The following CCDC47 variants were observed in gnomAD, a reference collection of about 807,000 sequenced individuals.
The protein encoded by CCDC47 is coiled-coil domain containing 47, also known as PAT complex subunit CCDC47.
A neutral mutation model predicts 60.5 loss-of-function variants in CCDC47; 41 were observed. That is an observed-to-expected ratio of 0.68 (90% confidence interval 0.53 to 0.88). The LOEUF (loss-of-function observed/expected upper bound fraction) is 0.88. CCDC47 is among the 40% of genes least tolerant of loss of function. The probability of loss-of-function intolerance (pLI) is 0.00; values close to 1 mark genes in which losing one functional copy is unlikely to be tolerated. For missense variants in CCDC47, 513 were observed against 580.9 expected (o/e 0.88, Z 1.20); for synonymous variants, 195 against 190.7 (o/e 1.02, Z -0.18).
chr17:63,770,665 T>G (rs907812149), intron 1 of CCDC47, among the ~76,000 whole-genome samples: 1 of 152,160 alleles, frequency 6.6e-6, no homozygotes, highest in Non-Finnish European at 1.5e-5. Context: ...TCGAATGCCT[T>G]GCAATCCATG....
At position 63,756,585 on chromosome 17, in the gene CCDC47, T is replaced by C; in HGVS notation, c.736-15A>G. On this transcript the variant is annotated splice_polypyrimidine_tract_variant and intron_variant, in intron 6 of 12. Coordinates refer to ENST00000225726, the MANE Select transcript of CCDC47 (RefSeq NM_020198.3). ...ACTTTTATTTGCTTTTAAAAAAATGTAAAAAACAACAAAATTCACCTGTTA... is the reference window on the plus strand; with the variant it reads ...ACTTTTATTTGCTTTTAAAAAAATGCAAAAAACAACAAAATTCACCTGTTA... 6.3e-7 allele frequency: 1 copy of C among 1,585,214 alleles called. No homozygotes were observed. Among genetic ancestry groups the C allele is most frequent in the South Asian group, 1.1e-5 (1 of 89,960 alleles).
intron 12 of CCDC47, 36 bp from the exon 13 acceptor site, chr17:63,746,997 G>A: frequency 3.1e-6 from 5 of 1,606,742 alleles, no homozygotes; most frequent in Non-Finnish European, 4.3e-6. Context: ...GAGAAAGGGA[G>A]TGGGGACGAG....
In CCDC47 at chr17:63,752,788, G is replaced by A; in HGVS notation, c.1046C>T (p.Pro349Leu). 1 of 1,611,726 alleles carries A rather than the reference G, an allele frequency of 6.2e-7. No homozygotes were observed. Among genetic ancestry groups the A allele is most frequent in the South Asian group, 1.1e-5 (1 of 90,686 alleles). Residue 349 changes from proline (P) to leucine (L), a missense_variant, in exon 10 of 13, where the codon CCT becomes CTT. Coordinates refer to ENST00000225726, the MANE Select transcript of CCDC47 (RefSeq NM_020198.3). The part of the protein sequence containing the change: ...GPKIMQEEGQ[P>L]LKLPDTKRTL... ...CCTCTTAGTGTCAGGTAGCTTTAAA[G>A]GCTGACCTTCCCTGTCATAAAAGAA...
At chr17:63,766,264 A>T (rs1798927939) in intron 1 of CCDC47, 70 bp from the exon 2 acceptor site, 3 of 1,384,394 alleles carry the variant, frequency 2.2e-6, no homozygotes, top group Non-Finnish European at 2.9e-6. Flanking sequence ...ATAAACAGTA[A>T]AAATCTATAA....
In CCDC47 at chr17:63,752,314, TCTTA is replaced by T; in HGVS notation, c.1203+2_1203+5del. 6.3e-7 allele frequency: 1 copy of T among 1,595,410 alleles called. No individual in the cohort carries two copies. The highest frequency in any genetic ancestry group is 8.6e-7 in the Non-Finnish European group (1 of 1,163,560). ...CAATTTATATAATACAGGCATTGGG[TCTTA>T]CTTCTCTGTTGAGTCGGAACTTTTT... On this transcript the variant is annotated splice_donor_variant and splice_donor_5th_base_variant and intron_variant, in intron 11 of 12. Coordinates refer to ENST00000225726, the MANE Select transcript of CCDC47 (RefSeq NM_020198.3). LOFTEE classifies it high-confidence loss of function.
chr17:63,764,741 T>A lies in CCDC47; in HGVS notation c.371A>T (p.Asp124Val). ...SKNKDPITIV[D>V]VPAHLQNSWE... is the part of the protein sequence containing the mutation. ...GAATTCAGAATCCTGGATACCTACATCAACAATCGTTATTGGGTCTTTATT... is the reference window on the plus strand; with the variant it reads ...GAATTCAGAATCCTGGATACCTACAACAACAATCGTTATTGGGTCTTTATT... Residue 124 changes from aspartate (D) to valine (V), a missense_variant and splice_region_variant, in exon 3 of 13, where the codon GAT becomes GTT. Asp to Val is a radical substitution (Grantham distance 152). Transcript: ENST00000225726. The A allele has an allele frequency of 6.2e-7, 1 of 1,609,644 alleles. No individual in the cohort carries two copies. The highest frequency in any genetic ancestry group is 8.5e-7 in the Non-Finnish European group (1 of 1,178,664).
At chr17:63,747,852 G>GT (rs1189585486) in intron 12 of CCDC47, 36 of 933,544 alleles carry the variant, frequency 3.9e-5, no homozygotes, top group Non-Finnish European at 4.3e-5. Flanking sequence ...ACTGTCTTAG[G>GT]TTTTTTCTTT....
chr17:63,756,749 T>C (rs2039210599), intron 6 of CCDC47, among the ~76,000 whole-genome samples, 179 bp from the exon 7 acceptor site: 1 of 152,072 alleles, frequency 6.6e-6, no homozygotes. Context: ...TGGCAGAAGG[T>C]CCCTAATCAG....
At chr17:63,761,406 G>A (rs1482357773) in intron 4 of CCDC47, 55 bp from the exon 5 acceptor site, 2 of 1,606,908 alleles carry the variant, frequency 1.2e-6, no homozygotes, top group Admixed American at 1.7e-5. Flanking sequence ...GCCGGGCCGG[G>A]GGTGGTGGCT....
intron 6 of CCDC47, among the ~76,000 whole-genome samples, chr17:63,760,222 T>C (rs2039247483): frequency 6.6e-6 from 1 of 151,696 alleles, no homozygotes; most frequent in Admixed American, 6.6e-5. Context: ...AGAAACGTAT[T>C]ATTTGAAGCA....
intron 6 of CCDC47, among the ~76,000 whole-genome samples, chr17:63,759,405 C>T (rs2039231925): frequency 6.9e-6 from 1 of 144,878 alleles, no homozygotes; most frequent in South Asian, 2.2e-4. Flanking sequence ...AGGAAAATCG[C>T]TTGAACCCTG....
Position 63,765,925 on chromosome 17 carries a change from T to A in CCDC47, c.251A>T (p.Asp84Val), listed in dbSNP as rs370452257. Residue 84 changes from aspartate to valine, a missense_variant, in exon 2 of 13, where the codon GAT becomes GTT. Transcript: ENST00000225726. ...QDENQEGDFE[D>V]ADTQEGDTES... Reference sequence around the variant, plus strand: ...AAAGAGCCTCACCTGGGTATCTGCATCTTCAAAATCTCCTTCTTGGTTTTC... The same window carrying A: ...AAAGAGCCTCACCTGGGTATCTGCAACTTCAAAATCTCCTTCTTGGTTTTC... The A allele has an allele frequency of 3.1e-6, 5 of 1,612,042 alleles. No homozygotes were observed. The East Asian group carries it at 1.1e-4, about 36-fold the overall frequency.
At chr17:63,765,346 CT>C (rs960533602) in intron 2 of CCDC47, among the ~76,000 whole-genome samples, 3,778 of 145,658 alleles carry the variant, frequency 0.026, 67 homozygotes, top group Non-Finnish European at 0.036. Flanking sequence ...TTTTTCTTTT[CT>C]TTTTTTTTTT....
At chr17:63,753,117 G>A (rs774069500) in intron 9 of CCDC47, 2 of 378,242 alleles carry the variant, frequency 5.3e-6, no homozygotes, top group Non-Finnish European at 7.3e-6. Context: ...CCATATTTTA[G>A]ATACATTTTT....
intron 4 of CCDC47, chr17:63,761,733 G>T: frequency 1.6e-6 from 1 of 639,786 alleles, no homozygotes; most frequent in Non-Finnish European, 1.9e-6. Context: ...AATACCTCAC[G>T]TTCCTCTACC....
chr17:63,763,402 G>GT (rs1243821215), intron 4 of CCDC47, among the ~76,000 whole-genome samples: 13 of 152,310 alleles, frequency 8.5e-5, no homozygotes, highest in African/African-American at 3.1e-4. Context: ...GCATGTGCCT[G>GT]TAGTCCTGTC....
At position 63,766,757 on chromosome 17, in the gene CCDC47, TA is replaced by T. The variant is rs1242410767; in HGVS notation, c.-19-564del. 3 of 905,826 alleles carry T rather than the reference TA, an allele frequency of 3.3e-6. No individual in the cohort carries two copies. In the African/African-American group the frequency reaches 5.4e-5, roughly 16 times the overall value. The allele number at this position is 905,826 out of a possible 1,614,324, so 56.1% of individuals were successfully genotyped here. A position where few individuals can be genotyped will look rare whatever the true frequency, so the allele number is the denominator to read the frequency against. On this transcript the variant is annotated intron_variant, in intron 1 of 12. Transcript: ENST00000225726. ...TTTAATTTCTTTAGGTTGGGTTTTC[TA>T]AAACTCTGTCCATTTACATAGAGTA...
intron 12 of CCDC47, 177 bp from the exon 13 acceptor site, chr17:63,747,138 T>G (rs1268464851): frequency 6.1e-6 from 6 of 981,728 alleles, no homozygotes; most frequent in Non-Finnish European, 6.0e-6. Flanking sequence ...ATTGCCAATA[T>G]CTACATTAGT....
chr17:63,761,805 G>T, intron 4 of CCDC47: 1 of 980,882 alleles, frequency 1.0e-6, no homozygotes, highest in Non-Finnish European at 1.2e-6. Context: ...AGAACTGTTT[G>T]GACAGGGACT....
Sources: allele counts gnomAD v4.1 joint callset (sites outside exome capture counted in the v4.1 genomes callset), GRCh38; gene constraint gnomAD v4.1.1; transcripts MANE v1.5; gene names NCBI Gene and HGNC (gene_info 2026-07-23, HGNC 2026-07-21).